MCM9: variants seen among roughly 807,000 people sequenced by gnomAD.
MCM9 encodes minichromosome maintenance 9 homologous recombination repair factor.
A neutral mutation model predicts 72.8 loss-of-function variants in MCM9; 55 were observed. The observed-to-expected ratio is 0.76, with a 90% CI of 0.61 to 0.95. The LOEUF is 0.95. Among genes scored for constraint, MCM9 ranks in the 40% least tolerant of loss-of-function variants. The pLI, the probability that MCM9 is intolerant of heterozygous loss-of-function variation, is 0.00. For missense variants in MCM9, 1,279 were observed against 1,377.0 expected (o/e 0.93, Z 1.13); for synonymous variants, 480 against 503.4 (o/e 0.95, Z 0.62).
intron 4 of MCM9, among the ~76,000 whole-genome samples, chr6:118,923,029 C>CAAA (rs780562520): frequency 5.8e-4 from 25 of 43,342 alleles, no homozygotes; most frequent in Admixed American, 1.0e-3. Context: ...AACTCCATCT[C>CAAA]AAAAAAAAAA....
intron 8 of MCM9, among the ~76,000 whole-genome samples, chr6:118,865,263 C>G (rs960844241): frequency 6.6e-6 from 1 of 152,054 alleles, no homozygotes; most frequent in African/African-American, 2.4e-5. Flanking sequence ...GACGTCATAC[C>G]ATAGGGGCAG....
intron 8 of MCM9, among the ~76,000 whole-genome samples, chr6:118,892,387 G>A (rs1022957595): frequency 3.3e-5 from 5 of 152,172 alleles, no homozygotes; most frequent in Non-Finnish European, 2.9e-5. Context: ...CACCAAAAGT[G>A]AGTTTTACAA....
At chr6:118,843,688 G>GTGTGTGTGTGTATATC (rs1775631958) in intron 9 of MCM9, among the ~76,000 whole-genome samples, 1 of 64,154 alleles carries the variant, frequency 1.6e-5, no homozygotes, top group African/African-American at 6.6e-5. Flanking sequence ...ATATATATGT[G>GTGTGTGTGTGTATATC]TATATATATA....
intron 8 of MCM9, among the ~76,000 whole-genome samples, chr6:118,907,139 G>C (rs1583624231): frequency 6.6e-6 from 1 of 152,112 alleles, no homozygotes; most frequent in Admixed American, 6.5e-5. Context: ...CAGAAGTATA[G>C]GAGTTAAATA....
At chr6:118,911,842 CAT>C (rs1780577569) in intron 7 of MCM9, 73 bp from the exon 8 acceptor site, 1 of 1,154,462 alleles carries the variant, frequency 8.7e-7, no homozygotes, top group South Asian at 1.4e-5. Flanking sequence ...CAAAATATTA[CAT>C]AGTGTTTTTA....
Position 118,923,980 on chromosome 6 carries a change from T to G in MCM9, c.452A>C (p.Lys151Thr). ...GTCAGCCTTGATCACAAACACATGC[T>G]TGCATTTGTTACACATGTAATCCCG... ...FERDYMCNKC[K>T]HVFVIKADFE... Residue 151 changes from lysine (K) to threonine (T), a missense_variant, in exon 4 of 14, where the codon AAG becomes ACG. Transcript: ENST00000619706. 1 of 1,614,212 alleles carries G rather than the reference T, an allele frequency of 6.2e-7. No homozygotes were observed. The highest frequency in any genetic ancestry group is 8.5e-7 in the Non-Finnish European group (1 of 1,180,040).
intron 8 of MCM9, among the ~76,000 whole-genome samples, chr6:118,902,690 G>A (rs533697543): frequency 1.3e-5 from 2 of 152,184 alleles, no homozygotes; most frequent in South Asian, 4.1e-4. Flanking sequence ...ATTTCCTGCT[G>A]GTGATCTTCA....
chr6:118,824,154 C>T (rs1300456301), intron 13 of MCM9, among the ~76,000 whole-genome samples: 2 of 145,536 alleles, frequency 1.4e-5, no homozygotes, highest in African/African-American at 5.1e-5. Flanking sequence ...CGGGGCAAAC[C>T]CATGTTCATT....
chr6:118,844,566 A>G (rs1775728136), intron 9 of MCM9, among the ~76,000 whole-genome samples: 2 of 151,786 alleles, frequency 1.3e-5, no homozygotes, highest in South Asian at 4.1e-4. Context: ...AATTAAAAGG[A>G]CAACTTAAAT....
intron 8 of MCM9, 74 bp downstream of exon 8, chr6:118,911,576 T>C (rs777616095): frequency 2.3e-5 from 35 of 1,521,872 alleles, no homozygotes; most frequent in Non-Finnish European, 3.0e-5. Context: ...TTATAGGTAG[T>C]TTTTCATTAG....
rs1411083688 is a variant in MCM9, at chr6:118,829,198, T to TG, written c.1377dup (p.Lys460GlnfsTer25). On this transcript the variant is annotated frameshift_variant, in exon 10 of 14. Transcript: ENST00000619706. LOFTEE classifies it high-confidence loss of function. ...GACTCCTGGGGGTCGTACTGGCCTT[T>TG]GGGGTTCGTTGCTGCCAGGATGGTG... 3 of 1,550,686 alleles carry TG rather than the reference T, an allele frequency of 1.9e-6. No individual in the cohort carries two copies. Among genetic ancestry groups the TG allele is most frequent in the Non-Finnish European group, 2.6e-6 (3 of 1,146,974 alleles).
At chr6:118,857,318 T>C (rs1776622949) in intron 8 of MCM9, among the ~76,000 whole-genome samples, 1 of 152,204 alleles carries the variant, frequency 6.6e-6, no homozygotes, top group Non-Finnish European at 1.5e-5. Context: ...ATATGTCTTG[T>C]TGATTTTTAT....
At chr6:118,843,669 T>TATATATATAC (rs1554257114) in intron 9 of MCM9, among the ~76,000 whole-genome samples, 1 of 48,860 alleles carries the variant, frequency 2.0e-5, no homozygotes, top group African/African-American at 1.2e-4. Context: ...TATATATATA[T>TATATATATAC]GTATGTATAT....
At chr6:118,907,039 T>TA (rs1227302083) in intron 8 of MCM9, among the ~76,000 whole-genome samples, 1 of 152,204 alleles carries the variant, frequency 6.6e-6, no homozygotes, top group Non-Finnish European at 1.5e-5. Flanking sequence ...TTTGAAAACA[T>TA]ACCAATCTAA....
chr6:118,893,431 C>T (rs1232513294), intron 8 of MCM9, among the ~76,000 whole-genome samples: 2 of 152,160 alleles, frequency 1.3e-5, no homozygotes, highest in African/African-American at 4.8e-5. Flanking sequence ...TATAACTGAT[C>T]ACACCTCTTG....
intron 5 of MCM9, 102 bp from the exon 6 acceptor site, chr6:118,917,863 C>T (rs1781093486): frequency 1.6e-5 from 16 of 986,032 alleles, no homozygotes; most frequent in Non-Finnish European, 2.5e-5. Context: ...CACTCCCTTA[C>T]TAGAGTTTAC....
intron 5 of MCM9, 56 bp from the exon 6 acceptor site, chr6:118,917,817 C>T: frequency 6.9e-7 from 1 of 1,448,942 alleles, no homozygotes; most frequent in Non-Finnish European, 9.7e-7. Context: ...TGAGCACAGA[C>T]TCAAAATGAC....
intron 3 of MCM9, 33 bp from the exon 4 acceptor site, chr6:118,924,160 T>A: frequency 6.3e-7 from 1 of 1,579,806 alleles, no homozygotes; most frequent in Non-Finnish European, 8.6e-7. Context: ...AGCATCAACT[T>A]CAATCTTGAG....
chr6:118,868,287 T>C (rs1777356179), intron 8 of MCM9, among the ~76,000 whole-genome samples: 1 of 152,092 alleles, frequency 6.6e-6, no homozygotes, highest in African/African-American at 2.4e-5. Context: ...AAATACAAAA[T>C]GTGTGAGGAG....
Sources: allele counts gnomAD v4.1 joint callset (sites outside exome capture counted in the v4.1 genomes callset), GRCh38; gene constraint gnomAD v4.1.1; transcripts MANE v1.5; gene names NCBI Gene and HGNC (gene_info 2026-07-23, HGNC 2026-07-21).